MTHFD1L: variants seen among roughly 807,000 people sequenced by gnomAD.
MTHFD1L encodes the protein methylenetetrahydrofolate dehydrogenase (NADP+ dependent) 1 like, also known as monofunctional C1-tetrahydrofolate synthase, mitochondrial.
A neutral mutation model predicts 119.5 loss-of-function variants in MTHFD1L; 81 were observed. The ratio of observed to expected loss-of-function variants is 0.68; its 90% CI spans 0.57 to 0.82. MTHFD1L has a LOEUF of 0.82. MTHFD1L is among the 40% of genes least tolerant of loss of function. The pLI, the probability that MTHFD1L is intolerant of heterozygous loss-of-function variation, is 0.00. For synonymous variants in MTHFD1L, 430 were observed against 475.2 expected (o/e 0.90, Z 1.24); for missense variants, 1,125 against 1,253.4 (o/e 0.90, Z 1.55).
Position 150,938,720 on chromosome 6 carries a change from A to G in MTHFD1L, c.1415A>G (p.Tyr472Cys), listed in dbSNP as rs746406626. Residue 472 changes from tyrosine to cysteine, a missense_variant, in exon 13 of 28, where the codon TAT becomes TGT. Tyr to Cys is a radical substitution (Grantham distance 194). Transcript: ENST00000367321. Reference protein sequence around the residue: ...GVKGGAAGGGYAQVIPMEEFN... With the variant: ...GVKGGAAGGGCAQVIPMEEFN... ...TTAGGAGGAGCCGCGGGTGGTGGAT[A>G]TGCCCAGGTCATCCCCATGGAGGAG... 2 of 1,610,912 alleles carry G rather than the reference A, an allele frequency of 1.2e-6. No homozygotes were observed. The highest frequency in any genetic ancestry group is 1.7e-6 in the Non-Finnish European group (2 of 1,178,868).
chr6:150,946,846 C>A (rs1583717785), intron 15 of MTHFD1L, among the ~76,000 whole-genome samples: 2 of 151,970 alleles, frequency 1.3e-5, no homozygotes, highest in Middle Eastern at 6.8e-3. Context: ...GAGGCCGAGG[C>A]AGGCAGATCC....
intron 7 of MTHFD1L, among the ~76,000 whole-genome samples, chr6:150,891,754 G>A (rs144421559): frequency 6.6e-6 from 1 of 152,062 alleles, no homozygotes; most frequent in African/African-American, 2.4e-5. Flanking sequence ...TTAGGTTATT[G>A]TTTTCCATTT....
intron 26 of MTHFD1L, among the ~76,000 whole-genome samples, chr6:151,042,918 G>A (rs1371025172): frequency 2.6e-5 from 4 of 152,180 alleles, no homozygotes; most frequent in African/African-American, 7.2e-5. Context: ...AGTGCTTGGG[G>A]AGAATGCTTA....
chr6:151,080,870 G>A (rs1793077764), intron 26 of MTHFD1L, among the ~76,000 whole-genome samples: 1 of 152,122 alleles, frequency 6.6e-6, no homozygotes, highest in Admixed American at 6.5e-5. Context: ...AGTCCTATTG[G>A]ATTAGGGCCC....
At chr6:151,084,426 A>G (rs182470649) in intron 26 of MTHFD1L, among the ~76,000 whole-genome samples, 18 of 152,190 alleles carry the variant, frequency 1.2e-4, no homozygotes, top group Non-Finnish European at 1.3e-4. Flanking sequence ...AAGTAATGTA[A>G]TACCTGGGGT....
chr6:150,954,023 G>T lies in MTHFD1L; in HGVS notation c.1727-1972G>T, dbSNP rs141633163. 8.7e-3 allele frequency among the ~76,000 whole-genome samples: 1,325 copies of T among 152,256 alleles called. 12 individuals carry two copies. The highest frequency in any genetic ancestry group is 0.03 in the African/African-American group (1,267 of 41,544). ...AGTGTCAGTTGGTGTTTGTGTGAGG[G>T]TGTGAGTGTGTCTGAGAGAGAGGGA... On this transcript the variant is annotated intron_variant, in intron 16 of 27. Coordinates refer to ENST00000367321, the MANE Select transcript of MTHFD1L (RefSeq NM_015440.5).
At chr6:150,933,480 G>A (rs1219817340) in intron 11 of MTHFD1L, among the ~76,000 whole-genome samples, 1 of 151,996 alleles carries the variant, frequency 6.6e-6, no homozygotes, top group Admixed American at 6.6e-5. Flanking sequence ...ATAACTTTCA[G>A]TCTTCACGTT....
chr6:150,948,760 T>C (rs9478865), intron 15 of MTHFD1L, among the ~76,000 whole-genome samples: 33,758 of 138,462 alleles, frequency 0.24, 5,771 homozygotes, highest in East Asian at 0.42. Flanking sequence ...CCTGCCTCAG[T>C]TTCCCAAGTA....
chr6:150,988,623 G>A (rs985910065), intron 20 of MTHFD1L, among the ~76,000 whole-genome samples: 4 of 151,976 alleles, frequency 2.6e-5, no homozygotes, highest in African/African-American at 9.7e-5. Flanking sequence ...GGGCGGGAGC[G>A]GGGATGGAGT....
chr6:150,885,591 G>C lies in MTHFD1L; in HGVS notation c.543-43G>C, dbSNP rs1339578989. On this transcript the variant is annotated intron_variant, in intron 5 of 27. Transcript: ENST00000367321. ...TACATTACACGTGAGTGATTTTTTTGGCTGGGCTTTGACTTAACCTACTTC... is the reference window on the plus strand; with the variant it reads ...TACATTACACGTGAGTGATTTTTTTCGCTGGGCTTTGACTTAACCTACTTC... 8 of 1,474,332 alleles carry C rather than the reference G, an allele frequency of 5.4e-6. No homozygotes were observed. In the African/African-American group the frequency reaches 1.1e-4, roughly 21 times the overall value. The allele number at this position is 1,474,332 out of a possible 1,614,324, so 91.3% of individuals were successfully genotyped here.
chr6:150,993,322 A>G (rs893834598), intron 20 of MTHFD1L, among the ~76,000 whole-genome samples: 3 of 152,026 alleles, frequency 2.0e-5, no homozygotes, highest in Non-Finnish European at 4.4e-5. Context: ...AATTTAGATA[A>G]TTTGGGTGGG....
intron 27 of MTHFD1L, chr6:151,099,455 T>C: frequency 4.9e-6 from 3 of 617,702 alleles, no homozygotes; most frequent in Non-Finnish European, 5.2e-6. Flanking sequence ...AATATTTTCT[T>C]TTTTTTTTTT....
At chr6:150,870,618 A>G (rs932771570) in intron 1 of MTHFD1L, among the ~76,000 whole-genome samples, 2 of 152,166 alleles carry the variant, frequency 1.3e-5, no homozygotes, top group Admixed American at 6.6e-5. Flanking sequence ...TCTAAAAAAA[A>G]ACCCATATAT....
At chr6:150,875,494 C>G (rs368035974) in intron 1 of MTHFD1L, among the ~76,000 whole-genome samples, 2 of 152,186 alleles carry the variant, frequency 1.3e-5, no homozygotes, top group Admixed American at 6.5e-5. Flanking sequence ...CTCTCTGTCT[C>G]TCTCTCTAGG....
At chr6:150,866,248 T>A in intron 1 of MTHFD1L, 199 bp downstream of exon 1, 1 of 1,420,788 alleles carries the variant, frequency 7.0e-7, no homozygotes. Context: ...GAACGGGGGA[T>A]CCAGTACCCG....
chr6:150,983,275 G>T (rs769213931), intron 20 of MTHFD1L, among the ~76,000 whole-genome samples: 1 of 151,840 alleles, frequency 6.6e-6, no homozygotes, highest in South Asian at 2.1e-4. Flanking sequence ...TTTTCTTTAT[G>T]ATTTCTGCTT....
At chr6:150,942,676 G>A (rs759272950) in intron 13 of MTHFD1L, among the ~76,000 whole-genome samples, 4 of 151,904 alleles carry the variant, frequency 2.6e-5, no homozygotes, top group Non-Finnish European at 5.9e-5. Context: ...AAGAGCTAAA[G>A]TATAAACTGT....
At chr6:151,099,523 A>G (rs113857588) in intron 27 of MTHFD1L, 16,330 of 1,594,918 alleles carry the variant, frequency 0.01, 147 homozygotes, top group Middle Eastern at 0.049. Flanking sequence ...CCTCCTCGGC[A>G]TCTTGGCCGC....
chr6:150,984,006 A>C (rs9397371), intron 20 of MTHFD1L, among the ~76,000 whole-genome samples: 13,026 of 152,152 alleles, frequency 0.086, 1,301 homozygotes, highest in East Asian at 0.54. Flanking sequence ...TCCTGAGCTC[A>C]AGTGATCGCC....
Sources: gnomAD v4.1 joint callset for allele counts (sites outside exome capture counted in the v4.1 genomes callset) on GRCh38, gnomAD v4.1.1 for gene constraint, MANE v1.5 for transcripts, NCBI Gene and HGNC (gene_info 2026-07-23, HGNC 2026-07-21) for gene names.